PDE4D: variants seen among roughly 807,000 people sequenced by gnomAD.
PDE4D encodes the protein 3',5'-cyclic-AMP phosphodiesterase 4D.
PDE4D carries 24 observed loss-of-function variants against 87.4 expected under a neutral mutation model. The ratio of observed to expected loss-of-function variants is 0.27; its 90% CI spans 0.20 to 0.39. The LOEUF (loss-of-function observed/expected upper bound fraction) is 0.39. PDE4D is among the 10% of genes least tolerant of loss of function. The pLI is 1.00. For synonymous variants in PDE4D, 384 were observed against 383.2 expected (o/e 1.00, Z -0.02); for missense variants, 714 against 1,041.0 (o/e 0.69, Z 4.32).
chr5:59,856,945 G>T (rs1745531935), intron 1 of PDE4D, among the ~76,000 whole-genome samples: 1 of 151,858 alleles, frequency 6.6e-6, no homozygotes, highest in African/African-American at 2.4e-5. Context: ...ACTAGATAAG[G>T]CCCTAAGCAT....
chr5:60,410,712 T>A (rs148510644), intron 1 of PDE4D, among the ~76,000 whole-genome samples: 1,609 of 152,342 alleles, frequency 0.011, 21 homozygotes, highest in Non-Finnish European at 0.017. Flanking sequence ...AGTCTAAGGT[T>A]AAGCAACTTT....
At chr5:60,137,086 T>C (rs902445744) in intron 2 of PDE4D, among the ~76,000 whole-genome samples, 4 of 152,154 alleles carry the variant, frequency 2.6e-5, no homozygotes, top group Admixed American at 2.6e-4. Flanking sequence ...CTACATTAAT[T>C]TGCTAAGGAT....
chr5:59,266,255 G>A (rs1239809921), intron 1 of PDE4D, among the ~76,000 whole-genome samples: 2 of 124,034 alleles, frequency 1.6e-5, no homozygotes, highest in East Asian at 4.6e-4. Context: ...GAAACACAGT[G>A]AGACCCTGTC....
intron 1 of PDE4D, among the ~76,000 whole-genome samples, chr5:59,450,578 T>A (rs1044812725): frequency 8.5e-5 from 13 of 152,194 alleles, no homozygotes; most frequent in African/African-American, 3.1e-4. Flanking sequence ...CAACTATTAA[T>A]CAAATCACTT....
intron 6 of PDE4D, among the ~76,000 whole-genome samples, chr5:59,002,886 C>T (rs1443109966): frequency 2.6e-5 from 4 of 151,952 alleles, no homozygotes; most frequent in East Asian, 3.9e-4. Flanking sequence ...TAAATGAGAC[C>T]ATATATGCAA....
chr5:60,416,186 A>G (rs368062185), intron 1 of PDE4D, among the ~76,000 whole-genome samples: 29 of 152,316 alleles, frequency 1.9e-4, no homozygotes, highest in African/African-American at 7.0e-4. Context: ...ACCAATCAGC[A>G]CACTGTCAAA....
At chr5:60,143,871 A>G (rs957631857) in intron 2 of PDE4D, among the ~76,000 whole-genome samples, 1 of 152,158 alleles carries the variant, frequency 6.6e-6, no homozygotes, top group Non-Finnish European at 1.5e-5. Context: ...GATAAAAGTT[A>G]TATCAAGAAG....
chr5:59,124,455 A>G (rs935737088), intron 5 of PDE4D, among the ~76,000 whole-genome samples: 1 of 152,138 alleles, frequency 6.6e-6, no homozygotes, highest in African/African-American at 2.4e-5. Context: ...AGCTGCTTTC[A>G]CTTCTACCTC....
chr5:59,929,234 G>T (rs1755623700), intron 3 of PDE4D, among the ~76,000 whole-genome samples: 1 of 152,006 alleles, frequency 6.6e-6, no homozygotes, highest in Admixed American at 6.6e-5. Flanking sequence ...AGCAAGAAAA[G>T]TATAATATTG....
intron 5 of PDE4D, among the ~76,000 whole-genome samples, chr5:59,123,305 G>C (rs772211175): frequency 1.3e-4 from 20 of 152,060 alleles, no homozygotes; most frequent in African/African-American, 4.8e-4. Context: ...CACTAAAAAC[G>C]TTTCCATGGC....
intron 1 of PDE4D, among the ~76,000 whole-genome samples, chr5:59,229,166 G>T (rs1581493371): frequency 6.6e-6 from 1 of 151,970 alleles, no homozygotes; most frequent in Non-Finnish European, 1.5e-5. Flanking sequence ...AATCTACTTT[G>T]TTCGTTAATG....
intron 5 of PDE4D, among the ~76,000 whole-genome samples, chr5:59,156,335 G>T (rs62356733): frequency 1.9e-5 from 1 of 53,104 alleles, no homozygotes. Flanking sequence ...ATATATATGT[G>T]TGTGTGTGTG....
intron 1 of PDE4D, among the ~76,000 whole-genome samples, chr5:60,414,539 C>T (rs1409649727): frequency 6.6e-6 from 1 of 152,136 alleles, no homozygotes; most frequent in Non-Finnish European, 1.5e-5. Context: ...TTCCAAGGGA[C>T]ATATATAAGT....
intron 1 of PDE4D, among the ~76,000 whole-genome samples, chr5:59,353,783 CTCAA>C (rs924058347): frequency 1.3e-5 from 2 of 151,782 alleles, no homozygotes; most frequent in African/African-American, 4.8e-5. Context: ...TTCTTTCTGC[CTCAA>C]TCAAACTTAA....
chr5:59,411,608 G>T (rs1792695581), intron 1 of PDE4D, among the ~76,000 whole-genome samples: 2 of 152,262 alleles, frequency 1.3e-5, no homozygotes, highest in Admixed American at 1.3e-4. Flanking sequence ...CTGTGTGCAT[G>T]TGTCTAATGT....
chr5:59,085,916 CTT>C (rs1287929357), intron 5 of PDE4D, among the ~76,000 whole-genome samples: 5 of 152,132 alleles, frequency 3.3e-5, no homozygotes, highest in Admixed American at 3.3e-4. Flanking sequence ...ATAATGAGAA[CTT>C]TTCAAATGGA....
chr5:60,382,504 A>T (rs1377861523), intron 1 of PDE4D, among the ~76,000 whole-genome samples: 1 of 152,040 alleles, frequency 6.6e-6, no homozygotes, highest in South Asian at 2.1e-4. Context: ...CTTCCTCCAG[A>T]GGTGATTTTT....
chr5:59,477,355 A>T (rs1803458198), intron 1 of PDE4D, among the ~76,000 whole-genome samples: 1 of 78,618 alleles, frequency 1.3e-5, no homozygotes, highest in Non-Finnish European at 2.9e-5. Flanking sequence ...GAGTATAATA[A>T]AAAAAAAAAA....
intron 2 of PDE4D, among the ~76,000 whole-genome samples, chr5:60,140,309 A>C (rs1223411292): frequency 6.6e-6 from 1 of 152,128 alleles, no homozygotes; most frequent in African/African-American, 2.4e-5. Flanking sequence ...AGTAATTTCT[A>C]TAATTACATG....
Sources: allele counts gnomAD v4.1 joint callset (sites outside exome capture counted in the v4.1 genomes callset), GRCh38; gene constraint gnomAD v4.1.1; transcripts MANE v1.5; gene names NCBI Gene and HGNC (gene_info 2026-07-23, HGNC 2026-07-21).